CHODL: variants seen among roughly 807,000 people sequenced by gnomAD.
CHODL encodes transmembrane protein MT75.
A neutral mutation model predicts 34.5 loss-of-function variants in CHODL; 29 were observed. The observed-to-expected ratio is 0.84, with a 90% CI of 0.63 to 1.15. The LOEUF is 1.15. CHODL is among the 50% of genes most tolerant of loss of function. The pLI is 0.00. For synonymous variants in CHODL, 125 were observed against 116.1 expected, an observed-to-expected ratio of 1.08 and a Z score of -0.49; for missense variants, 332 against 332.5, an observed-to-expected ratio of 1.00 and a Z score of 0.01.
At chr21:18,142,784 A>T (rs201498507) in intron 2 of CHODL, among the ~76,000 whole-genome samples, 1 of 152,164 alleles carries the variant, frequency 6.6e-6, no homozygotes, top group East Asian at 1.9e-4. Context: ...CTGTTTTCTG[A>T]CAAATATATG....
At chr21:17,935,002 C>T (rs1416581442) in intron 1 of CHODL, among the ~76,000 whole-genome samples, 1 of 152,084 alleles carries the variant, frequency 6.6e-6, no homozygotes. Context: ...AGGAATATTT[C>T]CTGGCACCTT....
At chr21:18,039,787 T>A (rs1266084549) in intron 2 of CHODL, among the ~76,000 whole-genome samples, 5 of 151,730 alleles carry the variant, frequency 3.3e-5, no homozygotes, top group Admixed American at 2.0e-4. Flanking sequence ...ATGCCTTTTT[T>A]AAAAAAATTA....
intron 3 of CHODL, among the ~76,000 whole-genome samples, chr21:18,257,673 C>T (rs117587091): frequency 0.014 from 2,120 of 152,228 alleles, 35 homozygotes; most frequent in Non-Finnish European, 0.019. Context: ...ACTCGTTCTC[C>T]CTATGATTCC....
chr21:18,245,859 T>C (rs2074134429), intron 1 of CHODL: 3 of 1,499,846 alleles, frequency 2.0e-6, no homozygotes, highest in Non-Finnish European at 2.7e-6. Flanking sequence ...TCATTGCGTG[T>C]AGATGCCTTT....
intron 2 of CHODL, among the ~76,000 whole-genome samples, chr21:18,123,633 C>T (rs1305425940): frequency 6.6e-6 from 1 of 152,104 alleles, no homozygotes; most frequent in Non-Finnish European, 1.5e-5. Context: ...TTATCAGGAA[C>T]TCATTCCCAC....
In CHODL at chr21:18,165,400, C is replaced by G. The variant is rs914124; in HGVS notation, c.-44-91109C>G. Among the ~76,000 whole-genome samples, 120 of 152,058 alleles carry G rather than the reference C, an allele frequency of 7.9e-4. 1 individual carries two copies. The highest frequency in any genetic ancestry group is 2.7e-3 in the African/African-American group (113 of 41,466). ...CCTTTTAATCTTTAAAATGTTTTTC[C>G]TTTGACATTTATTATACATTCTGGT... is the stretch of plus-strand genomic sequence containing the variant. On this transcript the variant is annotated intron_variant, in intron 2 of 6. Coordinates refer to the CHODL transcript ENST00000400127.
chr21:18,254,167 T>C (rs1228362320), intron 1 of CHODL, among the ~76,000 whole-genome samples: 2 of 150,886 alleles, frequency 1.3e-5, no homozygotes, highest in African/African-American at 2.5e-5. Context: ...AATACAAGAA[T>C]CTCCCCCACC....
chr21:18,135,224 T>G (rs1214705306), intron 2 of CHODL, among the ~76,000 whole-genome samples: 2 of 152,224 alleles, frequency 1.3e-5, no homozygotes, highest in East Asian at 3.9e-4. Flanking sequence ...GAGTTTTCAT[T>G]TAATCAGTTT....
chr21:18,195,028 ATTATTTATTTAT>A (rs56855621), intron 2 of CHODL, among the ~76,000 whole-genome samples: 95 of 144,070 alleles, frequency 6.6e-4, no homozygotes, highest in East Asian at 1.8e-3. Context: ...AATACAATAC[ATTATTTATTTAT>A]TTATTTATTT....
chr21:17,991,528 G>A (rs1317713524), intron 1 of CHODL, among the ~76,000 whole-genome samples: 1 of 151,850 alleles, frequency 6.6e-6, no homozygotes, highest in Non-Finnish European at 1.5e-5. Context: ...TTTCATTGTG[G>A]CTTTTATTTG....
chr21:17,932,227 G>C (rs531427134), intron 1 of CHODL, among the ~76,000 whole-genome samples: 1 of 152,270 alleles, frequency 6.6e-6, no homozygotes, highest in East Asian at 1.9e-4. Context: ...CTGATCATCA[G>C]AAAAGTGCAA....
intron 2 of CHODL, among the ~76,000 whole-genome samples, chr21:18,161,080 T>A (rs928999614): frequency 6.6e-6 from 1 of 152,204 alleles, no homozygotes; most frequent in Admixed American, 6.5e-5. Flanking sequence ...TCTTAAGTGA[T>A]GTTGAGCTTT....
At chr21:18,068,026 T>G (rs1457660362) in intron 2 of CHODL, among the ~76,000 whole-genome samples, 6 of 152,126 alleles carry the variant, frequency 3.9e-5, no homozygotes. Context: ...ATCTAAATAC[T>G]TTTTTTCTCT....
chr21:18,089,659 G>A (rs1440149613), intron 2 of CHODL, among the ~76,000 whole-genome samples: 1 of 152,070 alleles, frequency 6.6e-6, no homozygotes, highest in African/African-American at 2.4e-5. Context: ...TTTACTTTCT[G>A]CTTCAAGACT....
At chr21:18,092,515 A>C (rs2065086431) in intron 2 of CHODL, among the ~76,000 whole-genome samples, 1 of 152,254 alleles carries the variant, frequency 6.6e-6, no homozygotes, top group South Asian at 2.1e-4. Flanking sequence ...CTGGTAAAAC[A>C]GAGATATCTG....
intron 2 of CHODL, among the ~76,000 whole-genome samples, chr21:18,041,074 T>G (rs1293044700): frequency 2.0e-5 from 3 of 151,974 alleles, no homozygotes; most frequent in Non-Finnish European, 4.4e-5. Context: ...AGTGAAACAG[T>G]CCTTACTGAA....
intron 2 of CHODL, among the ~76,000 whole-genome samples, chr21:18,178,830 G>C (rs570196827): frequency 3.1e-4 from 47 of 152,200 alleles, no homozygotes; most frequent in African/African-American, 1.1e-3. Flanking sequence ...TGTTGTTTAA[G>C]CATCAACCAT....
intron 1 of CHODL, among the ~76,000 whole-genome samples, chr21:18,020,113 C>T (rs1209084327): frequency 2.0e-5 from 3 of 152,046 alleles, no homozygotes; most frequent in Non-Finnish European, 4.4e-5. Context: ...TGATATGAAG[C>T]AAATGGACTT....
At chr21:18,149,961 G>A (rs2072943987) in intron 2 of CHODL, among the ~76,000 whole-genome samples, 1 of 152,182 alleles carries the variant, frequency 6.6e-6, no homozygotes, top group Non-Finnish European at 1.5e-5. Context: ...TCAGGAGGTC[G>A]TGAGAACATG....
Sources: allele counts gnomAD v4.1 joint callset (sites outside exome capture counted in the v4.1 genomes callset), GRCh38; gene constraint gnomAD v4.1.1; transcripts MANE v1.5; gene names NCBI Gene and HGNC (gene_info 2026-07-23, HGNC 2026-07-21).